Variants in DACH1 observed in about 807,000 individuals in gnomAD.
DACH1 encodes dachshund homolog 1.
Under a neutral mutation model 54.2 loss-of-function variants are expected in DACH1, and 12 were observed. The observed-to-expected ratio is 0.22, with a 90% CI of 0.14 to 0.36. The LOEUF (loss-of-function observed/expected upper bound fraction) is 0.36, where lower values mean the gene tolerates loss of function less well. DACH1 is among the 10% of genes least tolerant of loss of function. The pLI, the probability that DACH1 is intolerant of heterozygous loss-of-function variation, is 1.00. For synonymous variants in DACH1, 386 were observed against 366.2 expected (o/e 1.05, Z -0.62); for missense variants, 805 against 929.8 (o/e 0.87, Z 1.75).
intron 1 of DACH1, among the ~76,000 whole-genome samples, chr13:71,724,396 T>G (rs945680054): frequency 4.6e-5 from 7 of 152,194 alleles, no homozygotes; most frequent in African/African-American, 1.7e-4. Context: ...AATGAATAAA[T>G]AAAATTAAAT....
chr13:71,833,846 A>G (rs1888681044), intron 1 of DACH1, among the ~76,000 whole-genome samples: 1 of 152,068 alleles, frequency 6.6e-6, no homozygotes, highest in Non-Finnish European at 1.5e-5. Flanking sequence ...TCAAAACTAC[A>G]ATTTATTAAC....
chr13:71,560,021 A>G (rs1457131608), intron 4 of DACH1, 66 bp from the exon 5 acceptor site: 2 of 1,409,926 alleles, frequency 1.4e-6, no homozygotes, highest in African/African-American at 3.0e-5. Flanking sequence ...TTACTTAATG[A>G]ATGTTGTTTT....
At chr13:71,705,666 A>G (rs1882405167) in intron 1 of DACH1, among the ~76,000 whole-genome samples, 1 of 152,202 alleles carries the variant, frequency 6.6e-6, no homozygotes, top group African/African-American at 2.4e-5. Context: ...ATCCTTCCAT[A>G]GCAAAAACTT....
chr13:71,608,341 T>C (rs1027649654), intron 3 of DACH1, among the ~76,000 whole-genome samples: 5 of 152,036 alleles, frequency 3.3e-5, no homozygotes, highest in Admixed American at 6.6e-5. Context: ...TGTTATTATG[T>C]CCATCATGTA....
intron 1 of DACH1, among the ~76,000 whole-genome samples, chr13:71,823,083 T>C (rs1353056080): frequency 1.3e-5 from 2 of 152,140 alleles, no homozygotes; most frequent in Non-Finnish European, 2.9e-5. Flanking sequence ...AAGATGAGTA[T>C]GATTAACTGT....
intron 2 of DACH1, among the ~76,000 whole-genome samples, chr13:71,630,926 T>C (rs1403769306): frequency 6.6e-6 from 1 of 152,100 alleles, no homozygotes; most frequent in Non-Finnish European, 1.5e-5. Context: ...AAATTAAATA[T>C]TAACAGAAAC....
At chr13:71,606,253 TTTTG>T (rs773237899) in intron 3 of DACH1, among the ~76,000 whole-genome samples, 3 of 152,182 alleles carry the variant, frequency 2.0e-5, no homozygotes, top group Non-Finnish European at 2.9e-5. Flanking sequence ...GTAAACAATA[TTTTG>T]TTTAAGCTGT....
intron 6 of DACH1, among the ~76,000 whole-genome samples, chr13:71,521,037 T>C (rs969485977): frequency 2.0e-5 from 3 of 152,048 alleles, no homozygotes; most frequent in East Asian, 1.9e-4. Flanking sequence ...GTGAATAGCA[T>C]TGTGGCAAAG....
chr13:71,469,135 T>G (rs2138157414), intron 10 of DACH1, among the ~76,000 whole-genome samples: 1 of 152,270 alleles, frequency 6.6e-6, no homozygotes, highest in Admixed American at 6.5e-5. Context: ...AGAAACCCCA[T>G]TAACTAGTAG....
At chr13:71,826,770 G>C (rs1268104791) in intron 1 of DACH1, among the ~76,000 whole-genome samples, 1 of 152,004 alleles carries the variant, frequency 6.6e-6, no homozygotes, top group African/African-American at 2.4e-5. Flanking sequence ...TGAGGACTCA[G>C]AAATTGCCAC....
chr13:71,656,331 C>T (rs537701768), intron 2 of DACH1, among the ~76,000 whole-genome samples: 2 of 152,142 alleles, frequency 1.3e-5, no homozygotes, highest in South Asian at 4.2e-4. Context: ...TAACTCTCAG[C>T]TTCTATTTAT....
intron 6 of DACH1, among the ~76,000 whole-genome samples, chr13:71,552,595 CAGAG>C: frequency 6.6e-6 from 1 of 151,118 alleles, no homozygotes; most frequent in Admixed American, 6.6e-5. Context: ...GGAGGATAAA[CAGAG>C]AGCTCTAGCA....
At position 71,648,959 on chromosome 13, in the gene DACH1, C is replaced by A. The variant is rs545020224; in HGVS notation, c.965-18242G>T. The stretch of plus-strand genomic sequence containing the variant: ...TAATAACATAAATCCACCCCTTCAA[C>A]TTTATTTCTCAGGATCAATAATGGA... On this transcript the variant is annotated intron_variant, in intron 2 of 10. Coordinates refer to ENST00000613252, the MANE Select transcript of DACH1 (RefSeq NM_080759.6). Among the ~76,000 whole-genome samples, 5 of 152,240 alleles carry A rather than the reference C, an allele frequency of 3.3e-5. No homozygotes were observed. The South Asian group carries it at 1.0e-3, about 32-fold the overall frequency.
chr13:71,725,992 C>G (rs1030036359), intron 1 of DACH1, among the ~76,000 whole-genome samples: 3 of 152,040 alleles, frequency 2.0e-5, no homozygotes, highest in African/African-American at 7.2e-5. Flanking sequence ...CCTTGGAGAA[C>G]CTGTTGAAAG....
chr13:71,703,916 C>T (rs920358549), intron 1 of DACH1, among the ~76,000 whole-genome samples: 13 of 151,970 alleles, frequency 8.6e-5, no homozygotes, highest in Admixed American at 3.9e-4. Flanking sequence ...AATCCAAGAC[C>T]GTCTGTCCAA....
chr13:71,747,758 G>A (rs2137965577), intron 1 of DACH1, among the ~76,000 whole-genome samples: 1 of 152,240 alleles, frequency 6.6e-6, no homozygotes, highest in Middle Eastern at 3.4e-3. Context: ...GTCCATGGGA[G>A]GAAGCAAGGA....
intron 6 of DACH1, among the ~76,000 whole-genome samples, chr13:71,515,260 C>A (rs1007947481): frequency 6.6e-6 from 1 of 151,840 alleles, no homozygotes; most frequent in African/African-American, 2.4e-5. Flanking sequence ...CCTGTAAGTG[C>A]AAGTAAAGTC....
At position 71,572,935 on chromosome 13, in the gene DACH1, T is replaced by C. The variant is rs1885305541; in HGVS notation, c.1204A>G (p.Met402Val). The C allele has an allele frequency of 1.2e-6, 2 of 1,614,110 alleles. No individual in the cohort carries two copies. Among genetic ancestry groups the C allele is most frequent in the Non-Finnish European group, 8.5e-7 (1 of 1,179,982 alleles). The change falls in exon 4 of 11, where the codon ATG (methionine) becomes GTG (valine). Residue 402 changes from methionine to valine, a missense_variant. Physicochemically the swap from Met to Val is conservative, Grantham distance 21. Coordinates refer to ENST00000613252, the MANE Select transcript of DACH1 (RefSeq NM_080759.6). The part of the protein sequence containing the change: ...SLPPASVTMA[M>V]SQMNHLSTIA... ...GTGCTGAGGTGGTTCATCTGGCTCA[T>C]TGCCATGGTGACAGATGCTGGAGGT... is the stretch of plus-strand genomic sequence containing the variant.
intron 3 of DACH1, among the ~76,000 whole-genome samples, chr13:71,574,354 C>G (rs1316041793): frequency 1.3e-5 from 2 of 152,036 alleles, no homozygotes; most frequent in African/African-American, 4.8e-5. Flanking sequence ...AAAATACAAA[C>G]TATCCACTTA....
Sources: allele counts gnomAD v4.1 joint callset (sites outside exome capture counted in the v4.1 genomes callset), GRCh38; gene constraint gnomAD v4.1.1; transcripts MANE v1.5; gene names NCBI Gene and HGNC (gene_info 2026-07-23, HGNC 2026-07-21).